Variants in GABRG3 observed in about 807,000 individuals in gnomAD.
The protein encoded by GABRG3 is gamma-aminobutyric acid receptor subunit gamma-3.
In GABRG3, 25 loss-of-function variants were observed where a neutral mutation model predicts 48.8. That is an observed-to-expected ratio of 0.51 (90% CI 0.37 to 0.72). The LOEUF is 0.72. Among genes scored for constraint, GABRG3 ranks in the 30% least tolerant of loss-of-function variants. The pLI is 0.00. For synonymous variants in GABRG3, 227 were observed against 217.6 expected (o/e 1.04, Z -0.38); for missense variants, 394 against 577.9 (o/e 0.68, Z 3.26).
intron 5 of GABRG3, among the ~76,000 whole-genome samples, chr15:27,444,768 T>C (rs1329835649): frequency 1.3e-5 from 2 of 152,218 alleles, no homozygotes; most frequent in African/African-American, 4.8e-5. Context: ...TCACTCTCTA[T>C]TGGGAGTTAT....
At chr15:27,142,210 G>C (rs1898116563) in intron 3 of GABRG3, among the ~76,000 whole-genome samples, 1 of 152,040 alleles carries the variant, frequency 6.6e-6, no homozygotes, top group African/African-American at 2.4e-5. Flanking sequence ...ATTTTGGTCT[G>C]ATAACTACTC....
At chr15:27,087,446 G>C (rs1291926393) in intron 3 of GABRG3, among the ~76,000 whole-genome samples, 5 of 152,242 alleles carry the variant, frequency 3.3e-5, no homozygotes, top group Non-Finnish European at 7.3e-5. Context: ...TCACAGAACA[G>C]TATCTGTGCA....
intron 3 of GABRG3, among the ~76,000 whole-genome samples, chr15:27,297,479 A>G (rs991259268): frequency 6.6e-6 from 1 of 152,186 alleles, no homozygotes; most frequent in African/African-American, 2.4e-5. Context: ...TATTTTTACC[A>G]TACATTTTTT....
chr15:27,425,956 T>C (rs1460539233), intron 5 of GABRG3, among the ~76,000 whole-genome samples: 1 of 152,210 alleles, frequency 6.6e-6, no homozygotes, highest in African/African-American at 2.4e-5. Context: ...TGGTAGAGTG[T>C]GGTAAGTACC....
intron 6 of GABRG3, among the ~76,000 whole-genome samples, chr15:27,499,163 T>C (rs769021768): frequency 6.6e-6 from 1 of 152,216 alleles, no homozygotes; most frequent in Non-Finnish European, 1.5e-5. Flanking sequence ...AAAACAGTTC[T>C]TAGAATGTTC....
At chr15:27,325,108 T>C (rs1893565516) in intron 3 of GABRG3, among the ~76,000 whole-genome samples, 1 of 131,766 alleles carries the variant, frequency 7.6e-6, no homozygotes, top group Non-Finnish European at 1.5e-5. Flanking sequence ...CTACCTGCTT[T>C]CGTTTCATTT....
chr15:27,148,891 A>G (rs1444719000), intron 3 of GABRG3, among the ~76,000 whole-genome samples: 3 of 152,056 alleles, frequency 2.0e-5, no homozygotes, highest in East Asian at 1.9e-4. Flanking sequence ...AACTAATATC[A>G]TACTTAATAA....
intron 6 of GABRG3, among the ~76,000 whole-genome samples, chr15:27,483,572 G>A (rs1890148466): frequency 6.6e-6 from 1 of 152,212 alleles, no homozygotes; most frequent in Admixed American, 6.5e-5. Context: ...TGGCATTTCA[G>A]TTGCACTGGG....
intron 5 of GABRG3, among the ~76,000 whole-genome samples, chr15:27,353,772 A>G (rs1489784425): frequency 6.6e-6 from 1 of 152,142 alleles, no homozygotes; most frequent in Admixed American, 6.5e-5. Context: ...ATCATTCTCC[A>G]GATCTTGGCT....
intron 3 of GABRG3, among the ~76,000 whole-genome samples, chr15:27,295,708 G>A (rs542602604): frequency 1.3e-5 from 2 of 152,298 alleles, no homozygotes; most frequent in South Asian, 4.1e-4. Context: ...TAGAGTGCAA[G>A]CCCCTCCCAG....
chr15:26,977,041 A>G lies in GABRG3; in HGVS notation c.93A>G (p.Ser31=). 6.2e-7 allele frequency: 1 copy of G among 1,613,988 alleles called. No homozygotes were observed. The highest frequency in any genetic ancestry group is 2.2e-5 in the East Asian group (1 of 44,862). The change falls in exon 2 of 10, where the codon TCA becomes TCG. Residue 31 remains serine (S), a synonymous_variant. Transcript: ENST00000615808. ...AAGAGGATGAATATGAAGATTCATC[A>G]TCAAACCAAAAGTGGGTCTTGGCTC... ...KVEEDEYEDS[S]SNQKWVLAPK... is the part of the protein sequence containing the mutation.
At chr15:27,268,204 C>T (rs1890979411) in intron 3 of GABRG3, among the ~76,000 whole-genome samples, 1 of 152,058 alleles carries the variant, frequency 6.6e-6, no homozygotes, top group African/African-American at 2.4e-5. Context: ...ACTGAAATTT[C>T]AATTTTAACA....
At chr15:27,045,860 G>T (rs1312716739) in intron 3 of GABRG3, among the ~76,000 whole-genome samples, 1 of 152,196 alleles carries the variant, frequency 6.6e-6, no homozygotes, top group Non-Finnish European at 1.5e-5. Flanking sequence ...TCTTCACTTT[G>T]CAGCAAAACC....
chr15:27,115,635 G>A (rs1183990015), intron 3 of GABRG3, among the ~76,000 whole-genome samples: 1 of 152,134 alleles, frequency 6.6e-6, no homozygotes, highest in Non-Finnish European at 1.5e-5. Flanking sequence ...TCTTATTTCA[G>A]TCTGACAGCT....
chr15:27,040,240 C>T (rs1896253162), intron 3 of GABRG3, among the ~76,000 whole-genome samples: 1 of 152,220 alleles, frequency 6.6e-6, no homozygotes, highest in Non-Finnish European at 1.5e-5. Flanking sequence ...CCACAGAAAC[C>T]AATCTGACTG....
chr15:27,258,849 C>G (rs188422873), intron 3 of GABRG3, among the ~76,000 whole-genome samples: 90 of 152,272 alleles, frequency 5.9e-4, no homozygotes, highest in Middle Eastern at 3.4e-3. Context: ...ACTCATTCCT[C>G]TTATCTGGCC....
chr15:27,515,910 G>A (rs1302676250), intron 6 of GABRG3, among the ~76,000 whole-genome samples: 1 of 152,138 alleles, frequency 6.6e-6, no homozygotes, highest in African/African-American at 2.4e-5. Flanking sequence ...AATACATTCT[G>A]TGAAGGGTTT....
intron 5 of GABRG3, among the ~76,000 whole-genome samples, chr15:27,445,117 C>T (rs901220653): frequency 2.0e-5 from 3 of 152,204 alleles, no homozygotes; most frequent in Non-Finnish European, 4.4e-5. Context: ...AGGTGATCCA[C>T]CCGCCTCGGC....
intron 5 of GABRG3, among the ~76,000 whole-genome samples, chr15:27,338,077 C>T (rs112549854): frequency 4.6e-5 from 7 of 152,174 alleles, no homozygotes; most frequent in African/African-American, 9.6e-5. Flanking sequence ...TGTTACTGTT[C>T]GGCTCCTCCT....
Sources: gnomAD v4.1 joint callset for allele counts (sites outside exome capture counted in the v4.1 genomes callset) on GRCh38, gnomAD v4.1.1 for gene constraint, MANE v1.5 for transcripts, NCBI Gene and HGNC (gene_info 2026-07-23, HGNC 2026-07-21) for gene names.